MBD5: variants seen among roughly 807,000 people sequenced by gnomAD.
The protein encoded by MBD5 is methyl-CpG-binding domain protein 5.
MBD5 carries 13 observed loss-of-function variants against 117.3 expected under a neutral mutation model. The observed-to-expected ratio is 0.11, with a 90% CI of 0.07 to 0.18. MBD5 has a LOEUF of 0.18. Among genes scored for constraint, MBD5 ranks in the 10% least tolerant of loss-of-function variants. The pLI, the probability that MBD5 is intolerant of heterozygous loss-of-function variation, is 1.00. For synonymous variants in MBD5, 727 were observed against 766.4 expected (o/e 0.95, Z 0.85); for missense variants, 1,879 against 2,093.8 (o/e 0.90, Z 2.00).
rs1057522910 is a variant in MBD5 at position 148,485,928 on chromosome 2, C to A, written c.3731C>A (p.Ala1244Asp). The part of the protein sequence containing the change: ...IPCPANNNPM[A>D]CLFQNFQVRM... ...TGCCCAGCTAACAATAACCCCATGG[C>A]TTGTCTGTTTCAGAACTTTCAGGTA... The change falls in exon 10 of 14, where the codon GCT becomes GAT. Residue 1244 changes from alanine (A) to aspartate (D), a missense_variant. Transcript: ENST00000642680. 3 of 1,613,946 alleles carry A rather than the reference C, an allele frequency of 1.9e-6. No homozygotes were observed. Among genetic ancestry groups the A allele is most frequent in the Non-Finnish European group, 2.5e-6 (3 of 1,179,950 alleles).
Position 148,327,803 on chromosome 2 carries a change from C to G in MBD5, c.-679-14411C>G, listed in dbSNP as rs1272862572. Reference sequence around the variant, plus strand: ...TTGGTTTGAATGTCCTTCCATAGCTCGGAGTAATTTGATCGTCTGAAGCCT... The same window carrying G: ...TTGGTTTGAATGTCCTTCCATAGCTGGGAGTAATTTGATCGTCTGAAGCCT... On this transcript the variant is annotated intron_variant, in intron 3 of 13. Transcript: ENST00000642680. Among the ~76,000 whole-genome samples the G allele has an allele frequency of 2.0e-5, 3 of 152,300 alleles. No homozygotes were observed. In the East Asian group the frequency reaches 5.8e-4, roughly 29 times the overall value.
intron 3 of MBD5, among the ~76,000 whole-genome samples, chr2:148,307,726 T>C (rs1028788725): frequency 4.6e-5 from 7 of 152,144 alleles, no homozygotes; most frequent in African/African-American, 1.7e-4. Flanking sequence ...CATGCCATGG[T>C]GGTTTGCTGC....
chr2:148,079,876 AACAACAACAAC>A (rs112952042), intron 1 of MBD5, among the ~76,000 whole-genome samples: 62,522 of 150,248 alleles, frequency 0.42, 13,104 homozygotes, highest in Middle Eastern at 0.54. Context: ...CAACAACAAC[AACAACAACAAC>A]AACAACAACA....
At chr2:148,400,493 T>C (rs1342500968) in intron 4 of MBD5, among the ~76,000 whole-genome samples, 1 of 152,234 alleles carries the variant, frequency 6.6e-6, no homozygotes, top group African/African-American at 2.4e-5. Context: ...CTAGCTCCCA[T>C]TCCACCTGGG....
chr2:148,244,137 T>G (rs1449504916), intron 3 of MBD5: 3 of 151,700 alleles, frequency 2.0e-5, no homozygotes, highest in Admixed American at 6.6e-5. Context: ...TTAAACTGAT[T>G]TTATCTGGCT....
chr2:148,212,329 A>G (rs957953729), intron 2 of MBD5, among the ~76,000 whole-genome samples: 4 of 152,208 alleles, frequency 2.6e-5, no homozygotes, highest in Admixed American at 1.3e-4. Context: ...GTGGAATCAT[A>G]CAATACATGG....
At chr2:148,356,899 C>CT (rs386391457) in intron 4 of MBD5, among the ~76,000 whole-genome samples, 7 of 151,216 alleles carry the variant, frequency 4.6e-5, no homozygotes, top group South Asian at 2.1e-4. Context: ...CTTTTCTTTT[C>CT]TTTTTTTTTA....
chr2:148,395,968 A>G (rs1312985932), intron 4 of MBD5, among the ~76,000 whole-genome samples: 3 of 151,926 alleles, frequency 2.0e-5, no homozygotes, highest in Admixed American at 6.6e-5. Context: ...CCTTAATGTT[A>G]TTTGTCTTGT....
At chr2:148,398,535 G>C in intron 4 of MBD5, among the ~76,000 whole-genome samples, 1 of 152,172 alleles carries the variant, frequency 6.6e-6, no homozygotes, top group East Asian at 1.9e-4. Flanking sequence ...TGAGTTCATG[G>C]TAGATTCTGG....
intron 1 of MBD5, among the ~76,000 whole-genome samples, chr2:148,123,363 C>A (rs1457370116): frequency 6.6e-6 from 1 of 152,064 alleles, no homozygotes; most frequent in African/African-American, 2.4e-5. Context: ...AAGTATGGGA[C>A]CTTGAAAGAT....
intron 4 of MBD5, among the ~76,000 whole-genome samples, chr2:148,435,917 T>C (rs1706142320): frequency 6.6e-6 from 1 of 152,222 alleles, no homozygotes; most frequent in South Asian, 2.1e-4. Context: ...AATTCAGTGA[T>C]TTGTTTAAAC....
intron 3 of MBD5, among the ~76,000 whole-genome samples, chr2:148,242,412 CAAG>C (rs1700234420): frequency 6.6e-6 from 1 of 151,828 alleles, no homozygotes; most frequent in Non-Finnish European, 1.5e-5. Flanking sequence ...ATTATCACAT[CAAG>C]AAGAATTAAC....
At chr2:148,303,286 C>G (rs1701816366) in intron 3 of MBD5, among the ~76,000 whole-genome samples, 1 of 152,172 alleles carries the variant, frequency 6.6e-6, no homozygotes, top group Non-Finnish European at 1.5e-5. Context: ...GAAAATCTTT[C>G]CAAGCATACT....
intron 1 of MBD5, among the ~76,000 whole-genome samples, chr2:148,059,393 G>A (rs1303657116): frequency 2.0e-5 from 3 of 151,906 alleles, no homozygotes; most frequent in African/African-American, 7.3e-5. Context: ...GTCCTATTGC[G>A]GTTACCGTTA....
At chr2:148,078,083 G>C (rs146963257) in intron 1 of MBD5, among the ~76,000 whole-genome samples, 31 of 152,226 alleles carry the variant, frequency 2.0e-4, no homozygotes, top group African/African-American at 7.2e-4. Context: ...CCGTTGAGTT[G>C]CTTATAGGAA....
intron 8 of MBD5, among the ~76,000 whole-genome samples, chr2:148,482,026 T>C (rs1284269465): frequency 6.6e-6 from 1 of 152,158 alleles, no homozygotes; most frequent in Non-Finnish European, 1.5e-5. Flanking sequence ...TGGTAAAGAT[T>C]CTTAACTATT....
intron 12 of MBD5, among the ~76,000 whole-genome samples, chr2:148,505,466 T>C (rs956859054): frequency 2.0e-5 from 3 of 152,150 alleles, no homozygotes; most frequent in Admixed American, 6.5e-5. Context: ...TCAGGGAAAG[T>C]AGACAGAGTC....
At chr2:148,065,036 T>C (rs1695148040) in intron 1 of MBD5, among the ~76,000 whole-genome samples, 1 of 152,108 alleles carries the variant, frequency 6.6e-6, no homozygotes, top group Non-Finnish European at 1.5e-5. Flanking sequence ...TTCCCTGCTT[T>C]GGAGTCTGAT....
intron 3 of MBD5, among the ~76,000 whole-genome samples, chr2:148,317,288 G>A (rs1702177239): frequency 6.6e-6 from 1 of 151,994 alleles, no homozygotes; most frequent in Non-Finnish European, 1.5e-5. Context: ...AGAATCACTT[G>A]AACCCGAGAG....
Sources: allele counts gnomAD v4.1 joint callset (sites outside exome capture counted in the v4.1 genomes callset), GRCh38; gene constraint gnomAD v4.1.1; transcripts MANE v1.5; gene names NCBI Gene and HGNC (gene_info 2026-07-23, HGNC 2026-07-21).